AGBL4: variants seen among roughly 807,000 people sequenced by gnomAD.
AGBL4 encodes the protein cytosolic carboxypeptidase 6.
In AGBL4, 58 loss-of-function variants were observed where a neutral mutation model predicts 66.4. That is an observed-to-expected ratio of 0.87 (90% confidence interval 0.71 to 1.09). The LOEUF (loss-of-function observed/expected upper bound fraction) is 1.09, where lower values mean the gene tolerates loss of function less well. Among genes scored for constraint, AGBL4 ranks in the 50% least tolerant of loss-of-function variants. The pLI is 0.00. For synonymous variants in AGBL4, 234 were observed against 222.9 expected (o/e 1.05, Z -0.44); for missense variants, 579 against 631.0 (o/e 0.92, Z 0.88).
chr1:49,630,705 A>C (rs1645553773), intron 3 of AGBL4, among the ~76,000 whole-genome samples: 1 of 151,706 alleles, frequency 6.6e-6, no homozygotes, highest in African/African-American at 2.4e-5. Flanking sequence ...TTAGTATATA[A>C]CCTCTGTGCT....
intron 3 of AGBL4, among the ~76,000 whole-genome samples, chr1:49,563,164 C>G (rs1034394598): frequency 6.6e-6 from 1 of 151,696 alleles, no homozygotes; most frequent in Non-Finnish European, 1.5e-5. Context: ...GATTTTGTAT[C>G]CTGAGACTTT....
At chr1:49,149,803 A>C (rs1256245041) in intron 4 of AGBL4, among the ~76,000 whole-genome samples, 2 of 152,172 alleles carry the variant, frequency 1.3e-5, no homozygotes, top group South Asian at 4.1e-4. Flanking sequence ...AATATGCCCC[A>C]AAAAGCCATG....
chr1:49,836,181 G>A (rs562978426), intron 2 of AGBL4, among the ~76,000 whole-genome samples: 1 of 152,050 alleles, frequency 6.6e-6, no homozygotes, highest in African/African-American at 2.4e-5. Context: ...TTTCCAACTT[G>A]GTTCCATTCT....
intron 4 of AGBL4, 93 bp downstream of exon 4, chr1:49,245,677 T>C: frequency 3.6e-6 from 3 of 835,982 alleles, no homozygotes; most frequent in Non-Finnish European, 5.5e-6. Flanking sequence ...TATTTTTAAT[T>C]TTTTTTGGGG....
intron 5 of AGBL4, among the ~76,000 whole-genome samples, chr1:48,943,975 G>A (rs557641587): frequency 1.8e-4 from 28 of 152,186 alleles, no homozygotes; most frequent in Non-Finnish European, 3.8e-4. Flanking sequence ...AGACGGGTTA[G>A]ATGGCATCAG....
chr1:49,539,727 T>C (rs1324384718), intron 3 of AGBL4, among the ~76,000 whole-genome samples: 1 of 152,182 alleles, frequency 6.6e-6, no homozygotes, highest in African/African-American at 2.4e-5. Context: ...TGGTGGAGTT[T>C]ATCAAAACAA....
At chr1:49,258,838 C>T (rs1652809933) in intron 3 of AGBL4, among the ~76,000 whole-genome samples, 1 of 152,008 alleles carries the variant, frequency 6.6e-6, no homozygotes, top group Non-Finnish European at 1.5e-5. Context: ...AAGAGCAACT[C>T]CAAGACACAT....
intron 2 of AGBL4, among the ~76,000 whole-genome samples, chr1:49,843,322 G>GT (rs398039942): frequency 2.1e-3 from 323 of 151,802 alleles, no homozygotes; most frequent in African/African-American, 7.3e-3. Flanking sequence ...GTGTGTGTGT[G>GT]GAGATGGGGA....
intron 4 of AGBL4, among the ~76,000 whole-genome samples, chr1:49,104,303 A>T (rs1228496510): frequency 6.6e-6 from 1 of 152,196 alleles, no homozygotes; most frequent in African/African-American, 2.4e-5. Flanking sequence ...ATAGTAATGT[A>T]TGTGAATCCC....
intron 5 of AGBL4, among the ~76,000 whole-genome samples, chr1:48,978,700 T>A (rs915758408): frequency 1.3e-5 from 2 of 152,170 alleles, no homozygotes; most frequent in African/African-American, 4.8e-5. Flanking sequence ...ACATTTTCCA[T>A]ATACTAAGCC....
chr1:49,698,074 A>G (rs768122553), intron 2 of AGBL4, among the ~76,000 whole-genome samples: 1 of 152,114 alleles, frequency 6.6e-6, no homozygotes, highest in Non-Finnish European at 1.5e-5. Context: ...TGTTATCTCC[A>G]TTTTCCATAT....
intron 9 of AGBL4, among the ~76,000 whole-genome samples, chr1:48,614,615 C>G (rs531516137): frequency 8.5e-5 from 13 of 152,284 alleles, no homozygotes; most frequent in African/African-American, 2.9e-4. Flanking sequence ...CCCTTATCCC[C>G]CAGTTTGCAT....
intron 5 of AGBL4, among the ~76,000 whole-genome samples, chr1:48,984,303 G>A (rs1660002210): frequency 6.6e-6 from 1 of 151,596 alleles, no homozygotes; most frequent in South Asian, 2.1e-4. Context: ...GTCACACAAT[G>A]AATTAGAGGT....
chr1:48,842,482 GA>G (rs1363967160), intron 6 of AGBL4, among the ~76,000 whole-genome samples: 1 of 152,056 alleles, frequency 6.6e-6, no homozygotes, highest in Non-Finnish European at 1.5e-5. Context: ...ATGGATTATT[GA>G]CCCTCTAAAG....
chr1:48,920,096 C>T (rs369567347), intron 5 of AGBL4, among the ~76,000 whole-genome samples: 2 of 152,188 alleles, frequency 1.3e-5, no homozygotes, highest in East Asian at 1.9e-4. Context: ...TAGATTGGCT[C>T]TGGTAGGTGA....
chr1:48,557,596 G>A (rs545398607), intron 11 of AGBL4, among the ~76,000 whole-genome samples: 20 of 152,326 alleles, frequency 1.3e-4, no homozygotes, highest in Admixed American at 1.2e-3. Flanking sequence ...AGATCAAAAG[G>A]TTTTGTGAAG....
At chr1:49,277,173 A>G (rs921563720) in intron 3 of AGBL4, among the ~76,000 whole-genome samples, 1 of 152,174 alleles carries the variant, frequency 6.6e-6, no homozygotes, top group Non-Finnish European at 1.5e-5. Context: ...ATTCTTCACT[A>G]TCTTCATAAT....
chr1:49,022,592 T>C (rs1178004484), intron 5 of AGBL4, among the ~76,000 whole-genome samples: 1 of 152,114 alleles, frequency 6.6e-6, no homozygotes, highest in Non-Finnish European at 1.5e-5. Flanking sequence ...ATAGCTTATC[T>C]AGCAGTAATG....
chr1:49,858,724 T>C (rs1646492543), intron 1 of AGBL4, among the ~76,000 whole-genome samples: 1 of 151,808 alleles, frequency 6.6e-6, no homozygotes, highest in South Asian at 2.1e-4. Context: ...CACTTGAAAA[T>C]GCATGAAAAA....
Sources: allele counts gnomAD v4.1 joint callset (sites outside exome capture counted in the v4.1 genomes callset), GRCh38; gene constraint gnomAD v4.1.1; transcripts MANE v1.5; gene names NCBI Gene and HGNC (gene_info 2026-07-23, HGNC 2026-07-21).